The following MYRIP variants were observed in gnomAD, a reference collection of about 807,000 sequenced individuals.
MYRIP encodes myosin VIIA and Rab interacting protein, also known as rab effector MyRIP.
In MYRIP, 49 loss-of-function variants were observed where a neutral mutation model predicts 98.0. The observed-to-expected ratio is 0.50, with a 90% CI of 0.40 to 0.63. The LOEUF is 0.63. Ranked by LOEUF, MYRIP falls within the 30% of genes least tolerant of loss-of-function variation. The probability of loss-of-function intolerance (pLI) is 0.00; values close to 1 mark genes in which losing one functional copy is unlikely to be tolerated. For missense variants in MYRIP, 1,004 were observed against 1,058.2 expected (o/e 0.95, Z 0.71); for synonymous variants, 404 against 409.5 (o/e 0.99, Z 0.16).
chr3:40,031,496 T>C (rs1040882683), intron 2 of MYRIP, among the ~76,000 whole-genome samples: 1 of 152,126 alleles, frequency 6.6e-6, no homozygotes, highest in Non-Finnish European at 1.5e-5. Context: ...GCCTTGAGCC[T>C]TTGCAAGACA....
At chr3:40,025,907 A>G (rs563858087) in intron 2 of MYRIP, among the ~76,000 whole-genome samples, 1 of 152,266 alleles carries the variant, frequency 6.6e-6, no homozygotes, top group Admixed American at 6.5e-5. Context: ...AAAGAGCAAA[A>G]TTAGAATTAC....
At chr3:40,125,264 T>C (rs947308239) in intron 3 of MYRIP, among the ~76,000 whole-genome samples, 6 of 152,196 alleles carry the variant, frequency 3.9e-5, no homozygotes, top group Non-Finnish European at 8.8e-5. Flanking sequence ...TTAACTTACA[T>C]GATCACAAGG....
Position 40,169,998 on chromosome 3 carries a change from C to A in MYRIP, c.778C>A (p.Pro260Thr). The change falls in exon 8 of 17, where the codon CCA becomes ACA. Residue 260 changes from proline to threonine, a missense_variant. Pro to Thr is a conservative substitution (Grantham distance 38). This residue lies in a region of MYRIP where 880 missense variants were observed against 907.7 expected (regional missense o/e 0.97). Transcript: ENST00000302541. Reference sequence around the variant, plus strand: ...AAGTGAGCAGCAAGTGGAAGAAGAGCCAGGATGGCCACATCCCCAGAGTTG... The same window carrying A: ...AAGTGAGCAGCAAGTGGAAGAAGAGACAGGATGGCCACATCCCCAGAGTTG... The part of the protein sequence containing the change: ...SKSEQQVEEE[P>T]GWPHPQSCST... 6.2e-7 allele frequency: 1 copy of A among 1,614,184 alleles called. No individual in the cohort carries two copies. Among genetic ancestry groups the A allele is most frequent in the Non-Finnish European group, 8.5e-7 (1 of 1,180,038 alleles).
chr3:40,066,067 C>T (rs77650626), intron 3 of MYRIP, among the ~76,000 whole-genome samples: 43,753 of 151,766 alleles, frequency 0.29, 6,319 homozygotes, highest in East Asian at 0.35. Flanking sequence ...ACACCTTCTG[C>T]ACAGCCTCCT....
rs1278722797 is a variant in MYRIP, at chr3:39,809,635, G to A, written c.-312G>A. The stretch of plus-strand genomic sequence containing the variant: ...GGCTGGCCCTGGCTGCCTGCGGCGC[G>A]GGCGCCTCCCTCGCAGCCGCTGCTG... On this transcript the variant is annotated 5_prime_UTR_variant, in exon 1 of 17. Transcript: ENST00000302541. 1 of 151,674 alleles carries A rather than the reference G, an allele frequency of 6.6e-6. No individual in the cohort carries two copies. The highest frequency in any genetic ancestry group is 1.5e-5 in the Non-Finnish European group (1 of 67,850). 9.4% of individuals were successfully genotyped at this position (151,674 alleles called of 1,614,324 possible). A position where few individuals can be genotyped will look rare whatever the true frequency, so the allele number is the denominator to read the frequency against.
At position 39,883,765 on chromosome 3, in the gene MYRIP, G is replaced by GA. The variant is rs369482411; in HGVS notation, c.-30-17017dup. 3.9e-4 allele frequency among the ~76,000 whole-genome samples: 60 copies of GA among 151,990 alleles called. 3 individuals are homozygous for GA. The highest frequency in any genetic ancestry group is 1.4e-3 in the African/African-American group (60 of 41,496). On this transcript the variant is annotated intron_variant, in intron 1 of 16. Transcript: ENST00000302541. ...AAAAAAGAATTTCTTATCTAGGTCA[G>GA]AAAAATATCCAGAATGATGTATGAG...
At chr3:39,964,335 T>A (rs570606729) in intron 2 of MYRIP, among the ~76,000 whole-genome samples, 1 of 152,076 alleles carries the variant, frequency 6.6e-6, no homozygotes, top group East Asian at 1.9e-4. Flanking sequence ...CTGGCATGAG[T>A]TTCAAACCAA....
chr3:40,156,072 C>G (rs1950230063), intron 4 of MYRIP, among the ~76,000 whole-genome samples: 1 of 150,914 alleles, frequency 6.6e-6, no homozygotes, highest in Admixed American at 6.6e-5. Context: ...TTGCCCATGC[C>G]TATGTCCTGA....
chr3:39,892,271 T>A (rs1454210846), intron 1 of MYRIP, among the ~76,000 whole-genome samples: 1 of 151,962 alleles, frequency 6.6e-6, no homozygotes, highest in African/African-American at 2.4e-5. Context: ...GGTTGTGGGA[T>A]GGAGATGAGT....
chr3:39,958,308 A>G (rs562542042), intron 2 of MYRIP, among the ~76,000 whole-genome samples: 1 of 152,340 alleles, frequency 6.6e-6, no homozygotes. Context: ...CCAAAACAGC[A>G]TGGTACTGGT....
At chr3:40,206,623 G>A (rs1268246294) in intron 10 of MYRIP, among the ~76,000 whole-genome samples, 2 of 152,068 alleles carry the variant, frequency 1.3e-5, no homozygotes, top group Non-Finnish European at 2.9e-5. Flanking sequence ...CCTTACATGT[G>A]GTTATTCTGT....
intron 3 of MYRIP, among the ~76,000 whole-genome samples, chr3:40,119,689 G>T (rs1302691175): frequency 1.5e-4 from 23 of 152,140 alleles, no homozygotes; most frequent in Non-Finnish European, 7.4e-5. Flanking sequence ...AACACCACAT[G>T]TTCTCATTCA....
chr3:40,020,245 G>A (rs1392747756), intron 2 of MYRIP, among the ~76,000 whole-genome samples: 1 of 151,986 alleles, frequency 6.6e-6, no homozygotes, highest in East Asian at 1.9e-4. Flanking sequence ...TGTGGTATTT[G>A]GTTTTCTGTT....
chr3:40,231,654 T>G (rs1952663248), intron 11 of MYRIP, among the ~76,000 whole-genome samples: 1 of 152,242 alleles, frequency 6.6e-6, no homozygotes, highest in Non-Finnish European at 1.5e-5. Flanking sequence ...GATCACTCTT[T>G]CTGTTTAAGC....
intron 1 of MYRIP, among the ~76,000 whole-genome samples, chr3:39,876,726 G>T (rs1195866368): frequency 6.6e-6 from 1 of 152,028 alleles, no homozygotes; most frequent in African/African-American, 2.4e-5. Flanking sequence ...TAGTCTGATG[G>T]GTTTCCCTTT....
chr3:40,038,908 G>A (rs4676557), intron 2 of MYRIP, among the ~76,000 whole-genome samples: 7 of 152,052 alleles, frequency 4.6e-5, no homozygotes, highest in Admixed American at 3.9e-4. Context: ...CCTCTAACCA[G>A]CCATGAAGGG....
At chr3:40,171,887 C>A (rs951707335) in intron 8 of MYRIP, among the ~76,000 whole-genome samples, 3 of 152,202 alleles carry the variant, frequency 2.0e-5, no homozygotes, top group Non-Finnish European at 4.4e-5. Flanking sequence ...ACTCACGGTT[C>A]CACATGGCTG....
intron 5 of MYRIP, among the ~76,000 whole-genome samples, chr3:40,163,300 A>G (rs1473467488): frequency 6.6e-6 from 1 of 152,056 alleles, no homozygotes; most frequent in Non-Finnish European, 1.5e-5. Context: ...TGCCCCCTCA[A>G]TTGCCTTCCT....
chr3:40,076,884 G>A (rs148755532), intron 3 of MYRIP, among the ~76,000 whole-genome samples: 101 of 152,238 alleles, frequency 6.6e-4, no homozygotes, highest in African/African-American at 2.4e-3. Flanking sequence ...ATAATTTTCT[G>A]TATTTCAGAA....
Sources: gnomAD v4.1 joint callset for allele counts (sites outside exome capture counted in the v4.1 genomes callset) on GRCh38, gnomAD v4.1.1 for gene constraint, gnomAD v4.1.1 regional missense constraint, MANE v1.5 for transcripts, NCBI Gene and HGNC (gene_info 2026-07-23, HGNC 2026-07-21) for gene names.